IQCB1: variants seen among roughly 807,000 people sequenced by gnomAD.
The protein encoded by IQCB1 is IQ calmodulin-binding motif-containing protein 1.
In IQCB1, 56 loss-of-function variants were observed where a neutral mutation model predicts 84.4. The observed-to-expected ratio is 0.66, with a 90% CI of 0.54 to 0.83. The LOEUF is 0.83. Among genes scored for constraint, IQCB1 ranks in the 40% least tolerant of loss-of-function variants. The pLI, the probability that IQCB1 is intolerant of heterozygous loss-of-function variation, is 0.00. For synonymous variants in IQCB1, 210 were observed against 234.8 expected, an observed-to-expected ratio of 0.89 and a Z score of 0.96; for missense variants, 629 against 682.1, an observed-to-expected ratio of 0.92 and a Z score of 0.87.
Position 121,828,937 on chromosome 3 carries a change from T to C in IQCB1, c.24A>G (p.Pro8=). The C allele has an allele frequency of 6.2e-7, 1 of 1,610,810 alleles. No individual in the cohort carries two copies. Among genetic ancestry groups the C allele is most frequent in the Non-Finnish European group, 8.5e-7 (1 of 1,177,754 alleles). MKPTGTD[P]RILSIAAEVA... is the part of the protein sequence containing the mutation. ...CTTCAGCAGCTATAGATAAGATCCT[T>C]GGGTCTGTACCTGTTGGCTTCATTT... Residue 8 remains proline, a synonymous_variant, in exon 3 of 15, where the codon CCA becomes CCG. Coordinates refer to ENST00000310864, the MANE Select transcript of IQCB1 (RefSeq NM_001023570.4).
At chr3:121,773,762 G>A (rs1948105352) in intron 13 of IQCB1, among the ~76,000 whole-genome samples, 1 of 151,888 alleles carries the variant, frequency 6.6e-6, no homozygotes, top group Admixed American at 6.6e-5. Flanking sequence ...TAGAAAAAGA[G>A]AGATCAAAGA....
chr3:121,775,663 G>C (rs2108512400), intron 13 of IQCB1, among the ~76,000 whole-genome samples: 1 of 152,208 alleles, frequency 6.6e-6, no homozygotes, highest in East Asian at 1.9e-4. Flanking sequence ...TGTTTTATTG[G>C]TGGCCAGGCT....
chr3:121,774,905 A>C lies in IQCB1; in HGVS notation c.1411-2192T>G, dbSNP rs371343812. On this transcript the variant is annotated intron_variant, in intron 13 of 14. Coordinates refer to ENST00000310864, the MANE Select transcript of IQCB1 (RefSeq NM_001023570.4). ...GTTAAAATGGTAATTTTTATATTTTATCTATTTTACCACCCTGAAAATAAA... is the reference window on the plus strand; with the variant it reads ...GTTAAAATGGTAATTTTTATATTTTCTCTATTTTACCACCCTGAAAATAAA... Among the ~76,000 whole-genome samples, 387 of 152,350 alleles carry C rather than the reference A, an allele frequency of 2.5e-3. 12 individuals are homozygous for C. In the South Asian group the frequency reaches 0.065, roughly 25 times the overall value.
chr3:121,826,006 A>G, intron 5 of IQCB1, 45 bp downstream of exon 5: 3 of 1,531,878 alleles, frequency 2.0e-6, no homozygotes, highest in Non-Finnish European at 2.7e-6. Context: ...ACAGCTTCTT[A>G]AGAATTAAAC....
intron 3 of IQCB1, 104 bp downstream of exon 3, chr3:121,828,757 G>A: frequency 9.9e-7 from 1 of 1,006,380 alleles, no homozygotes; most frequent in South Asian, 1.3e-5. Context: ...CTATTATAGT[G>A]TTAAGACCTC....
intron 11 of IQCB1, among the ~76,000 whole-genome samples, chr3:121,788,847 T>G (rs1948843541): frequency 6.6e-6 from 1 of 152,232 alleles, no homozygotes; most frequent in African/African-American, 2.4e-5. Context: ...TACAGATGAC[T>G]TTCTTTTTGC....
At chr3:121,804,029 T>A (rs1347670252) in intron 7 of IQCB1, among the ~76,000 whole-genome samples, 2 of 152,124 alleles carry the variant, frequency 1.3e-5, no homozygotes, top group Non-Finnish European at 2.9e-5. Context: ...GCGTATTTTT[T>A]AATGATTAAT....
Position 121,835,018 on chromosome 3 carries a change from A to G in IQCB1, c.-154T>C, listed in dbSNP as rs886057830. On this transcript the variant is annotated 5_prime_UTR_variant, in exon 1 of 15. Coordinates refer to ENST00000310864, the MANE Select transcript of IQCB1 (RefSeq NM_001023570.4). ...AAAGAACCTGGGGCTCCCACGCCGC[A>G]CTACAGCGCCGCGGCCTTCCGGGGC... is the stretch of plus-strand genomic sequence containing the variant. The G allele has an allele frequency of 1.9e-6, 1 of 540,178 alleles. No homozygotes were observed. Among genetic ancestry groups the G allele is most frequent in the South Asian group, 2.3e-5 (1 of 43,484 alleles). 33.5% of individuals were successfully genotyped at this position (540,178 alleles called of 1,614,324 possible).
chr3:121,786,864 G>A (rs1277913441), intron 12 of IQCB1, among the ~76,000 whole-genome samples: 1 of 152,150 alleles, frequency 6.6e-6, no homozygotes. Flanking sequence ...ATCAGGCAAG[G>A]TAGTAAGTCA....
intron 11 of IQCB1, 80 bp downstream of exon 11, chr3:121,789,993 C>A (rs1948893004): frequency 2.4e-6 from 3 of 1,236,818 alleles, no homozygotes; most frequent in South Asian, 2.5e-5. Flanking sequence ...AAAAAAAAAT[C>A]ATCACGTAGC....
chr3:121,779,954 T>G (rs1330268222), intron 13 of IQCB1, among the ~76,000 whole-genome samples: 1 of 152,216 alleles, frequency 6.6e-6, no homozygotes. Flanking sequence ...CCTGGACCTA[T>G]GTGAGTTCCA....
At chr3:121,799,465 G>T in intron 7 of IQCB1, 91 bp from the exon 8 acceptor site, 1 of 795,194 alleles carries the variant, frequency 1.3e-6, no homozygotes, top group Non-Finnish European at 2.1e-6. Flanking sequence ...GTAACTTGAT[G>T]CCGGACTGTG....
At chr3:121,820,778 T>C (rs1950243608) in intron 5 of IQCB1, among the ~76,000 whole-genome samples, 1 of 152,066 alleles carries the variant, frequency 6.6e-6, no homozygotes, top group Admixed American at 6.5e-5. Context: ...TCTTACAATT[T>C]TTTTCTTAAT....
intron 5 of IQCB1, among the ~76,000 whole-genome samples, chr3:121,823,634 G>A (rs1950351032): frequency 6.6e-6 from 1 of 152,046 alleles, no homozygotes. Context: ...CAAAAGTGAA[G>A]GCATCATGAA....
intron 5 of IQCB1, among the ~76,000 whole-genome samples, chr3:121,822,734 G>A (rs1304126235): frequency 6.6e-6 from 1 of 152,152 alleles, no homozygotes; most frequent in Non-Finnish European, 1.5e-5. Context: ...CCAGGACTAA[G>A]GGCAATACTC....
chr3:121,783,460 G>C (rs996055006), intron 12 of IQCB1, among the ~76,000 whole-genome samples: 2 of 151,950 alleles, frequency 1.3e-5, no homozygotes, highest in Non-Finnish European at 1.5e-5. Context: ...ACCACATAAA[G>C]GCTATTCACT....
rs190940009 is a variant in IQCB1, at chr3:121,816,987, C to G, written c.394-7978G>C. ...ATGTTTACTGCAGCACTATTTACAA[C>G]AGCAAAGTCTTGGAACCAAACCAAA... On this transcript the variant is annotated intron_variant, in intron 5 of 14. Transcript: ENST00000310864. Among the ~76,000 whole-genome samples the G allele has an allele frequency of 6.6e-5, 10 of 152,214 alleles. No homozygotes were observed. The East Asian group carries it at 1.7e-3, about 26-fold the overall frequency.
intron 2 of IQCB1, among the ~76,000 whole-genome samples, chr3:121,832,238 A>G (rs1031262850): frequency 4.6e-5 from 7 of 151,696 alleles, no homozygotes; most frequent in African/African-American, 1.7e-4. Context: ...ATGGATAGGA[A>G]TCTTTTCTCT....
chr3:121,782,577 T>C (rs1948547592), intron 12 of IQCB1, among the ~76,000 whole-genome samples: 1 of 152,268 alleles, frequency 6.6e-6, no homozygotes, highest in Non-Finnish European at 1.5e-5. Flanking sequence ...CATTTTACAT[T>C]GTTAATTTAA....
Sources: allele counts gnomAD v4.1 joint callset (sites outside exome capture counted in the v4.1 genomes callset), GRCh38; gene constraint gnomAD v4.1.1; transcripts MANE v1.5; gene names NCBI Gene and HGNC (gene_info 2026-07-23, HGNC 2026-07-21).